The following USP9X variants were observed in gnomAD, a reference collection of about 807,000 sequenced individuals.
USP9X encodes ubiquitin specific peptidase 9 X-linked.
Under a neutral mutation model 190.3 loss-of-function variants are expected in USP9X, and 7 were observed. The observed-to-expected ratio is 0.04, with a 90% CI of 0.02 to 0.07. USP9X has a LOEUF of 0.07. Ranked by LOEUF, USP9X falls within the 10% of genes least tolerant of loss-of-function variation. The pLI, the probability that USP9X is intolerant of heterozygous loss-of-function variation, is 1.00. For synonymous variants in USP9X, 645 were observed against 659.5 expected (o/e 0.98, Z 0.34); for missense variants, 1,010 against 1,916.9 (o/e 0.53, Z 8.83).
intron 5 of USP9X, among the ~76,000 whole-genome samples, chrX:41,135,126 A>G (rs1461423005): frequency 1.8e-5 from 2 of 111,304 alleles, no homozygotes; most frequent in South Asian, 3.8e-4. Context: ...ATGTAATGCT[A>G]TCAATTGTAA....
chrX:41,125,684 A>ACACACACACACACACACACTCTCTCTCT, intron 2 of USP9X, among the ~76,000 whole-genome samples: 4 of 19,015 alleles, frequency 2.1e-4, no homozygotes, highest in East Asian at 1.9e-3. Flanking sequence ...ACACACACAC[A>ACACACACACACACACACACTCTCTCTCT]CTCTCTCTCT....
intron 11 of USP9X, 34 bp from the exon 12 acceptor site, chrX:41,148,335 T>C (rs936638853): frequency 8.4e-6 from 10 of 1,195,288 alleles, no homozygotes; most frequent in Non-Finnish European, 1.1e-5. Flanking sequence ...TGACTAAATA[T>C]GTGTTGTTTT....
At chrX:41,123,821 TC>T (rs2062211414) in intron 2 of USP9X, 97 bp downstream of exon 2, 1 of 803,872 alleles carries the variant, frequency 1.2e-6, no homozygotes, top group African/African-American at 2.1e-5. Context: ...GGCAGGCAGA[TC>T]ACTTGAGGTC....
At chrX:41,229,435 G>A (rs920525120) in intron 42 of USP9X, 26 bp downstream of exon 42, 9 of 1,149,510 alleles carry the variant, frequency 7.8e-6, no homozygotes, top group African/African-American at 3.7e-5. Context: ...TTATAATTTT[G>A]TAGAAATCTT....
chrX:41,130,378 G>GCTAA (rs2062298418), intron 3 of USP9X, among the ~76,000 whole-genome samples: 1 of 110,289 alleles, frequency 9.1e-6, no homozygotes, highest in Non-Finnish European at 1.9e-5. Flanking sequence ...GGTGGTTGGT[G>GCTAA]ATTGGTAATA....
chrX:41,204,458 T>G (rs938677142), intron 31 of USP9X, among the ~76,000 whole-genome samples: 2 of 109,791 alleles, frequency 1.8e-5, no homozygotes, highest in African/African-American at 6.6e-5. Context: ...GCTCTTACAT[T>G]TAGGATTTTG....
At chrX:41,155,629 C>T (rs1419717595) in intron 14 of USP9X, among the ~76,000 whole-genome samples, 1 of 111,641 alleles carries the variant, frequency 9.0e-6, no homozygotes, top group African/African-American at 3.3e-5. Context: ...AAAAAGATTG[C>T]TTTATGAGTG....
intron 21 of USP9X, among the ~76,000 whole-genome samples, chrX:41,180,834 C>T (rs1011739649): frequency 2.7e-5 from 3 of 112,126 alleles, no homozygotes; most frequent in African/African-American, 6.5e-5. Context: ...CGTGGTAATA[C>T]AATCTTTTGT....
At chrX:41,217,194 T>A in intron 35 of USP9X, 26 bp from the exon 36 acceptor site, 1 of 1,169,332 alleles carries the variant, frequency 8.6e-7, no homozygotes, top group South Asian at 2.0e-5. Flanking sequence ...TAAAAATGTG[T>A]TTTTATATCT....
Position 41,199,680 on chromosome X carries a change from C to T in USP9X, c.4603+930C>T, listed in dbSNP as rs778952456. ...CTGGCCTCAGGTGATCCACCTGCCT[C>T]GGCCTCCCAAAGTGCTGGAATTACA... On this transcript the variant is annotated intron_variant, in intron 30 of 44. Transcript: ENST00000378308. Among the ~76,000 whole-genome samples the T allele has an allele frequency of 2.7e-5, 3 of 111,784 alleles. No homozygotes were observed. In the East Asian group the frequency reaches 8.4e-4, roughly 31 times the overall value.
At chrX:41,151,985 AAAAC>A (rs1374306436) in intron 13 of USP9X, among the ~76,000 whole-genome samples, 2 of 112,317 alleles carry the variant, frequency 1.8e-5, no homozygotes, top group South Asian at 3.7e-4. Context: ...TCTCAAAACA[AAAAC>A]AAAACAAAAC....
intron 4 of USP9X, among the ~76,000 whole-genome samples, chrX:41,133,264 A>G (rs980450150): frequency 8.9e-6 from 1 of 112,140 alleles, no homozygotes; most frequent in African/African-American, 3.2e-5. Flanking sequence ...GACAGGTTAC[A>G]GTTGTTTTCA....
Position 41,150,783 on chromosome X carries a change from C to A in USP9X, c.1627-138C>A, listed in dbSNP as rs2302381. 16,196 of 634,746 alleles carry A rather than the reference C, an allele frequency of 0.026. 242 individuals carry two copies. The highest frequency in any genetic ancestry group is 0.12 in the South Asian group (3,082 of 25,638). The allele number at this position is 634,746 out of a possible 1,213,427, so 52.3% of individuals were successfully genotyped here. A position where few individuals can be genotyped will look rare whatever the true frequency, so the allele number is the denominator to read the frequency against. On this transcript the variant is annotated intron_variant, in intron 12 of 44. Coordinates refer to ENST00000378308, the MANE Select transcript of USP9X (RefSeq NM_001039591.3). ...AAGCTTTTATTATTTAAATTAAACT[C>A]TTTACTGTAATTACAACATGATGCT...
chrX:41,191,574 C>G (rs1285132201), intron 26 of USP9X, among the ~76,000 whole-genome samples: 1 of 111,781 alleles, frequency 8.9e-6, no homozygotes, highest in Non-Finnish European at 1.9e-5. Flanking sequence ...GCATAATGAT[C>G]ACTAAATGCT....
At position 41,218,458 on chromosome X, in the gene USP9X, G is replaced by A. The variant is rs747096110; in HGVS notation, c.6296G>A (p.Arg2099His). The A allele has an allele frequency of 8.3e-7, 1 of 1,211,167 alleles. No homozygotes were observed. Among genetic ancestry groups the A allele is most frequent in the Non-Finnish European group, 1.1e-6 (1 of 895,367 alleles). The change falls in exon 37 of 45, where the codon CGC (arginine) becomes CAC (histidine). Residue 2099 changes from arginine (R) to histidine (H), a missense_variant. By Grantham distance (29) the Arg-to-His change is conservative. Around this residue, in one of 11 missense-constraint regions of USP9X, gnomAD observed 121 missense variants for 281.2 expected, o/e 0.43. Transcript: ENST00000378308. ...AACGTCCTTTTTAATGTTTCAAATCGCTTCTCCGAATACCTTCTGGAGTGC... is the reference window on the plus strand; with the variant it reads ...AACGTCCTTTTTAATGTTTCAAATCACTTCTCCGAATACCTTCTGGAGTGC... ...AHNVLFNVSN[R>H]FSEYLLECPS...
In USP9X at chrX:41,118,814, G is replaced by A. The variant is rs940622480; in HGVS notation, c.-158-4657G>A. Among the ~76,000 whole-genome samples, 3 of 111,860 alleles carry A rather than the reference G, an allele frequency of 2.7e-5. No homozygotes were observed. The Admixed American group carries it at 2.9e-4, about 11-fold the overall frequency. On this transcript the variant is annotated intron_variant, in intron 1 of 44. Coordinates refer to ENST00000378308, the MANE Select transcript of USP9X (RefSeq NM_001039591.3). Reference sequence around the variant, plus strand: ...CTAGACGTGTAGAGCCAACTCTCTAGTGGTTTTCACCTCAGTTTCAATGTT... The same window carrying A: ...CTAGACGTGTAGAGCCAACTCTCTAATGGTTTTCACCTCAGTTTCAATGTT...
intron 2 of USP9X, among the ~76,000 whole-genome samples, chrX:41,125,995 A>G (rs1019563731): frequency 1.8e-5 from 2 of 111,250 alleles, no homozygotes; most frequent in Admixed American, 9.5e-5. Context: ...CAATTATTAC[A>G]TGTTTATGTA....
intron 26 of USP9X, among the ~76,000 whole-genome samples, chrX:41,194,856 T>G (rs1044955131): frequency 1.8e-5 from 2 of 110,794 alleles, no homozygotes; most frequent in Non-Finnish European, 1.9e-5. Context: ...TGGCACAGTT[T>G]TAATTAAAGG....
chrX:41,155,183 C>T (rs2062565869), intron 14 of USP9X, among the ~76,000 whole-genome samples: 1 of 111,475 alleles, frequency 9.0e-6, no homozygotes, highest in Non-Finnish European at 1.9e-5. Context: ...TCACTAGCAT[C>T]TTTAGCTTTT....
Sources: gnomAD v4.1 joint callset for allele counts (sites outside exome capture counted in the v4.1 genomes callset) on GRCh38, gnomAD v4.1.1 for gene constraint, gnomAD v4.1.1 regional missense constraint, MANE v1.5 for transcripts, NCBI Gene and HGNC (gene_info 2026-07-23, HGNC 2026-07-21) for gene names.